The following TMEM135 variants were observed in gnomAD, a reference collection of about 807,000 sequenced individuals.
The protein encoded by TMEM135 is peroxisomal membrane protein 52.
TMEM135 carries 30 observed loss-of-function variants against 60.3 expected under a neutral mutation model. The ratio of observed to expected loss-of-function variants is 0.50; its 90% CI spans 0.37 to 0.68. The LOEUF (loss-of-function observed/expected upper bound fraction) is 0.68. TMEM135 is among the 30% of genes least tolerant of loss of function. The probability of loss-of-function intolerance (pLI) is 0.00; values close to 1 mark genes in which losing one functional copy is unlikely to be tolerated. For missense variants in TMEM135, 468 were observed against 548.8 expected (o/e 0.85, Z 1.47); for synonymous variants, 190 against 186.7 (o/e 1.02, Z -0.14).
At position 87,283,800 on chromosome 11, in the gene TMEM135, G is replaced by A. The variant is rs1402170092; in HGVS notation, c.510-11982G>A. ...TTGAACTTGGGTGGTGGAGGTTGCA[G>A]TGAGCCGAGATCGCGTCATTGCACT... On this transcript the variant is annotated intron_variant, in intron 6 of 14. Transcript: ENST00000305494. Among the ~76,000 whole-genome samples the A allele has an allele frequency of 5.3e-5, 8 of 152,320 alleles. No homozygotes were observed. The East Asian group carries it at 1.5e-3, about 29-fold the overall frequency.
chr11:87,316,312 AAGAG>A (rs1384043886), intron 12 of TMEM135, among the ~76,000 whole-genome samples: 3 of 150,246 alleles, frequency 2.0e-5, no homozygotes, highest in South Asian at 2.1e-4. Flanking sequence ...GAGACAGAGA[AAGAG>A]AGAGAGATTG....
chr11:87,114,360 C>G (rs1429778739), intron 4 of TMEM135, among the ~76,000 whole-genome samples: 1 of 151,922 alleles, frequency 6.6e-6, no homozygotes, highest in Non-Finnish European at 1.5e-5. Flanking sequence ...TTGGAAACAT[C>G]TGACTAAAGA....
chr11:87,076,633 G>T (rs1244248633), intron 3 of TMEM135, among the ~76,000 whole-genome samples: 1 of 152,220 alleles, frequency 6.6e-6, no homozygotes, highest in East Asian at 1.9e-4. Flanking sequence ...AGCCACAGCT[G>T]GGAATGTGCT....
rs140303858 is a variant in TMEM135, at chr11:87,159,617, A to ACACACACACACACACCCCC, written c.462+2212_462+2213insACACACACACACACCCCCC. Among the ~76,000 whole-genome samples the ACACACACACACACACCCCC allele has an allele frequency of 1.6e-3, 245 of 149,450 alleles. 1 individual carries two copies. The highest frequency in any genetic ancestry group is 7.2e-3 in the South Asian group (34 of 4,716). On this transcript the variant is annotated intron_variant, in intron 5 of 14. Transcript: ENST00000305494. ...CGCACACACACACACACACACACAC[A>ACACACACACACACACCCCC]CCATAGATTTTCCGAGACGGTTGGC...
At chr11:87,161,718 T>C (rs1185344272) in intron 5 of TMEM135, among the ~76,000 whole-genome samples, 2 of 152,212 alleles carry the variant, frequency 1.3e-5, no homozygotes, top group African/African-American at 2.4e-5. Flanking sequence ...TTGATTTGTC[T>C]ATTGTGGCTC....
chr11:87,187,189 A>G lies in TMEM135; in HGVS notation c.462+29783A>G, dbSNP rs1471514785. On this transcript the variant is annotated intron_variant, in intron 5 of 14. Transcript: ENST00000305494. The stretch of plus-strand genomic sequence containing the variant: ...AGAATTCATTAATAAAACTCTTACA[A>G]TTTATTTCCCACAGAGGGTTAGCTT... Among the ~76,000 whole-genome samples, 4 of 152,258 alleles carry G rather than the reference A, an allele frequency of 2.6e-5. No homozygotes were observed. In the South Asian group the frequency reaches 6.2e-4, roughly 24 times the overall value.
At chr11:87,192,005 T>TTTC (rs1285194009) in intron 5 of TMEM135, among the ~76,000 whole-genome samples, 1 of 146,034 alleles carries the variant, frequency 6.8e-6, no homozygotes, top group African/African-American at 2.5e-5. Context: ...TTTTTTTTTT[T>TTTC]CGAGATGGAG....
intron 7 of TMEM135, 133 bp downstream of exon 7, chr11:87,295,956 A>G: frequency 1.3e-6 from 1 of 741,540 alleles, no homozygotes. Context: ...AAGTATTTCC[A>G]AGCCTGCGGA....
chr11:87,120,110 C>CTTTTTTTTTTTTTTTTTTTTTTTTTTTT lies in TMEM135; in HGVS notation c.396+28717_396+28718insTTTTTTTTTTTTTTTTTTTTTTTTTTTT, dbSNP rs770897413. On this transcript the variant is annotated intron_variant, in intron 4 of 14. Coordinates refer to ENST00000305494, the MANE Select transcript of TMEM135 (RefSeq NM_022918.4). Reference sequence around the variant, plus strand: ...GAACTTATTAGTCTGTTTTTTTCTTCTTCTTCTTTTTTTTTTTTTTTTGAG... The same window carrying CTTTTTTTTTTTTTTTTTTTTTTTTTTTT: ...GAACTTATTAGTCTGTTTTTTTCTTCTTTTTTTTTTTTTTTTTTTTTTTTTTTTTTCTTCTTTTTTTTTTTTTTTTGAG... 3.1e-5 allele frequency among the ~76,000 whole-genome samples: 4 copies of CTTTTTTTTTTTTTTTTTTTTTTTTTTTT among 130,910 alleles called. 1 individual carries two copies. The highest frequency in any genetic ancestry group is 8.5e-5 in the Admixed American group (1 of 11,700). 85.9% of individuals were successfully genotyped at this position (130,910 alleles called of 152,430 possible).
intron 4 of TMEM135, among the ~76,000 whole-genome samples, chr11:87,120,113 C>T (rs58476712): frequency 0.33 from 44,176 of 133,520 alleles, 7,911 homozygotes; most frequent in East Asian, 0.61. Flanking sequence ...TTTTCTTCTT[C>T]TTCTTTTTTT....
chr11:87,313,400 G>A (rs1942673354), intron 10 of TMEM135, 25 bp from the exon 11 acceptor site: 1 of 1,583,366 alleles, frequency 6.3e-7, no homozygotes, highest in Non-Finnish European at 8.7e-7. Flanking sequence ...AATAACTGAA[G>A]TCATTGTATT....
chr11:87,246,876 G>A (rs1941289455), intron 6 of TMEM135, among the ~76,000 whole-genome samples: 2 of 126,938 alleles, frequency 1.6e-5, no homozygotes, highest in African/African-American at 3.0e-5. Context: ...TCCGTCCAAC[G>A]TTGTTCCATT....
chr11:87,050,991 G>T (rs1156574683), intron 1 of TMEM135, among the ~76,000 whole-genome samples: 1 of 82,424 alleles, frequency 1.2e-5, no homozygotes, highest in South Asian at 4.5e-4. Flanking sequence ...TTCATCCCTG[G>T]GATGCAAGGC....
chr11:87,079,410 T>C (rs560088086), intron 3 of TMEM135, among the ~76,000 whole-genome samples: 4 of 152,356 alleles, frequency 2.6e-5, no homozygotes, highest in Admixed American at 1.3e-4. Flanking sequence ...TATTAAGTTT[T>C]AAATTTCATT....
At chr11:87,135,856 T>C (rs1004794759) in intron 4 of TMEM135, among the ~76,000 whole-genome samples, 1 of 152,088 alleles carries the variant, frequency 6.6e-6, no homozygotes, top group Non-Finnish European at 1.5e-5. Flanking sequence ...ATATTGAGTA[T>C]TTTGACCAAT....
At chr11:87,264,532 A>C (rs1029316187) in intron 6 of TMEM135, among the ~76,000 whole-genome samples, 1 of 151,902 alleles carries the variant, frequency 6.6e-6, no homozygotes, top group Admixed American at 6.5e-5. Context: ...GCATTAGCAT[A>C]TGTTTATAAT....
chr11:87,094,267 A>G (rs1857273108), intron 4 of TMEM135, among the ~76,000 whole-genome samples: 1 of 152,190 alleles, frequency 6.6e-6, no homozygotes, highest in Non-Finnish European at 1.5e-5. Context: ...ACATATGGCT[A>G]GACTTCCTTT....
At chr11:87,253,481 CAT>C (rs1253664324) in intron 6 of TMEM135, among the ~76,000 whole-genome samples, 4 of 151,810 alleles carry the variant, frequency 2.6e-5, no homozygotes, top group Non-Finnish European at 4.4e-5. Context: ...ATGACATTCA[CAT>C]GTTTTTAAAT....
intron 9 of TMEM135, among the ~76,000 whole-genome samples, chr11:87,307,114 G>T (rs542045014): frequency 3.3e-5 from 5 of 152,202 alleles, no homozygotes; most frequent in African/African-American, 9.6e-5. Context: ...TTGATGATGA[G>T]AAGAACAGAG....
Sources: allele counts gnomAD v4.1 joint callset (sites outside exome capture counted in the v4.1 genomes callset), GRCh38; gene constraint gnomAD v4.1.1; transcripts MANE v1.5; gene names NCBI Gene and HGNC (gene_info 2026-07-23, HGNC 2026-07-21).